Variants in ESRRG observed in about 807,000 individuals in gnomAD.
ESRRG encodes the protein estrogen related receptor gamma, also known as estrogen-related receptor gamma.
A neutral mutation model predicts 44.0 loss-of-function variants in ESRRG; 13 were observed. The observed-to-expected ratio is 0.30, with a 90% CI of 0.19 to 0.47. ESRRG has a LOEUF of 0.47. ESRRG is among the 20% of genes least tolerant of loss of function. ESRRG has a pLI of 1.00. For missense variants in ESRRG, 395 were observed against 580.6 expected, an observed-to-expected ratio of 0.68 and a Z score of 3.29; for synonymous variants, 215 against 214.6, an observed-to-expected ratio of 1.00 and a Z score of -0.02.
At chr1:217,045,897 C>T (rs1275337512) in intron 1 of ESRRG, among the ~76,000 whole-genome samples, 2 of 152,014 alleles carry the variant, frequency 1.3e-5, no homozygotes, top group Non-Finnish European at 2.9e-5. Context: ...GGAGTGTTTG[C>T]TTCTTTAGGA....
At chr1:216,714,869 T>C (rs2084479842) in intron 1 of ESRRG, among the ~76,000 whole-genome samples, 1 of 152,138 alleles carries the variant, frequency 6.6e-6, no homozygotes, top group Admixed American at 6.6e-5. Flanking sequence ...TTACGGGTAG[T>C]ACTTTGGAGC....
chr1:216,610,694 T>A (rs995188147), intron 3 of ESRRG, among the ~76,000 whole-genome samples: 5 of 152,080 alleles, frequency 3.3e-5, no homozygotes, highest in Non-Finnish European at 7.4e-5. Flanking sequence ...TGTGTGTGTA[T>A]AAATAAATAT....
chr1:217,064,459 G>A (rs572486989), intron 1 of ESRRG, among the ~76,000 whole-genome samples: 33 of 152,180 alleles, frequency 2.2e-4, no homozygotes, highest in African/African-American at 6.5e-4. Flanking sequence ...GCTAATAAGC[G>A]GCAAAGCCAT....
At chr1:216,608,276 A>G (rs2060193373) in intron 3 of ESRRG, among the ~76,000 whole-genome samples, 1 of 152,198 alleles carries the variant, frequency 6.6e-6, no homozygotes, top group African/African-American at 2.4e-5. Context: ...TCATGACTGT[A>G]GATTCTGAAG....
intron 1 of ESRRG, among the ~76,000 whole-genome samples, chr1:217,123,544 A>G (rs1047782897): frequency 6.6e-6 from 1 of 152,206 alleles, no homozygotes; most frequent in Admixed American, 6.5e-5. Flanking sequence ...AAAATATGGT[A>G]CATATACACC....
At chr1:216,851,369 G>A (rs868191236) in intron 2 of ESRRG, among the ~76,000 whole-genome samples, 1 of 151,982 alleles carries the variant, frequency 6.6e-6, no homozygotes. Context: ...ACTTGTTATG[G>A]ACTAAATGTG....
At chr1:217,136,271 T>C (rs1465923160) in intron 1 of ESRRG, among the ~76,000 whole-genome samples, 1 of 152,126 alleles carries the variant, frequency 6.6e-6, no homozygotes, top group Non-Finnish European at 1.5e-5. Context: ...GGAGTTGGCG[T>C]TTTCCTGAGG....
At chr1:216,973,113 A>C (rs1345787933) in intron 1 of ESRRG, among the ~76,000 whole-genome samples, 1 of 152,148 alleles carries the variant, frequency 6.6e-6, no homozygotes. Context: ...CTTCTGTCCT[A>C]GCCCCTTGTC....
intron 2 of ESRRG, among the ~76,000 whole-genome samples, chr1:216,762,940 A>G (rs1016258685): frequency 6.6e-6 from 1 of 152,132 alleles, no homozygotes; most frequent in African/African-American, 2.4e-5. Context: ...TTGATAGCCT[A>G]TGAAGCAAGC....
chr1:217,028,309 C>T (rs1371965442), intron 1 of ESRRG, among the ~76,000 whole-genome samples: 4 of 152,182 alleles, frequency 2.6e-5, no homozygotes, highest in Non-Finnish European at 5.9e-5. Context: ...CCAGAAGATG[C>T]TCCTGCTGAA....
At chr1:217,069,254 A>G (rs2090223161) in intron 1 of ESRRG, among the ~76,000 whole-genome samples, 1 of 152,124 alleles carries the variant, frequency 6.6e-6, no homozygotes, top group African/African-American at 2.4e-5. Context: ...CCTGCCCTCG[A>G]ACATCTGACT....
At chr1:216,543,035 A>C (rs926673111) in intron 5 of ESRRG, among the ~76,000 whole-genome samples, 5 of 152,056 alleles carry the variant, frequency 3.3e-5, no homozygotes, top group African/African-American at 9.7e-5. Flanking sequence ...ATACGTTTCC[A>C]CTCAAAATAG....
intron 2 of ESRRG, among the ~76,000 whole-genome samples, chr1:216,919,495 C>A (rs1364971618): frequency 6.6e-6 from 1 of 152,160 alleles, no homozygotes; most frequent in African/African-American, 2.4e-5. Context: ...GAACACCAAC[C>A]AGTATAAATC....
At chr1:216,854,835 A>AT (rs1553649620) in intron 2 of ESRRG, among the ~76,000 whole-genome samples, 3 of 151,674 alleles carry the variant, frequency 2.0e-5, no homozygotes, top group Admixed American at 6.6e-5. Context: ...AGAAAAAAAA[A>AT]TTTTGACAAA....
chr1:216,999,733 A>ATTTTTG (rs3072247), intron 1 of ESRRG, among the ~76,000 whole-genome samples: 90,415 of 151,072 alleles, frequency 0.6, 27,839 homozygotes, highest in Non-Finnish European at 0.67. Context: ...GAAGAAATGT[A>ATTTTTG]TTTTTGTTTT....
chr1:217,119,728 G>T (rs1433443225), intron 1 of ESRRG, among the ~76,000 whole-genome samples: 5 of 152,184 alleles, frequency 3.3e-5, no homozygotes, highest in Non-Finnish European at 7.3e-5. Flanking sequence ...TGAAACAAAG[G>T]TTGGATTGGA....
At chr1:216,764,904 G>A (rs1483237966) in intron 2 of ESRRG, among the ~76,000 whole-genome samples, 2 of 152,062 alleles carry the variant, frequency 1.3e-5, no homozygotes, top group Non-Finnish European at 2.9e-5. Flanking sequence ...AGTGAGAGGG[G>A]TGGGTGGAGT....
chr1:216,887,283 A>G (rs1559990495), intron 2 of ESRRG, among the ~76,000 whole-genome samples: 1 of 152,188 alleles, frequency 6.6e-6, no homozygotes, highest in Non-Finnish European at 1.5e-5. Flanking sequence ...TCAGTTAAGT[A>G]AACTTTCCTG....
chr1:217,068,002 T>C (rs2090011343), intron 1 of ESRRG, among the ~76,000 whole-genome samples: 2 of 152,196 alleles, frequency 1.3e-5, no homozygotes, highest in Admixed American at 1.3e-4. Flanking sequence ...ATGATGTTAC[T>C]GACAGGGATT....
Sources: allele counts gnomAD v4.1 joint callset (sites outside exome capture counted in the v4.1 genomes callset), GRCh38; gene constraint gnomAD v4.1.1; transcripts MANE v1.5; gene names NCBI Gene and HGNC (gene_info 2026-07-23, HGNC 2026-07-21).